PRKAG2: variants seen among roughly 807,000 people sequenced by gnomAD.
PRKAG2 encodes protein kinase AMP-activated non-catalytic subunit gamma 2.
In PRKAG2, 26 loss-of-function variants were observed where a neutral mutation model predicts 69.6. The observed-to-expected ratio is 0.37, with a 90% CI of 0.27 to 0.52. PRKAG2 has a LOEUF of 0.52. Ranked by LOEUF, PRKAG2 falls within the 20% of genes least tolerant of loss-of-function variation. The pLI, the probability that PRKAG2 is intolerant of heterozygous loss-of-function variation, is 0.90. For missense variants in PRKAG2, 557 were observed against 740.0 expected (o/e 0.75, Z 2.87); for synonymous variants, 293 against 285.0 (o/e 1.03, Z -0.28).
At chr7:151,741,145 C>T (rs967494742) in intron 3 of PRKAG2, among the ~76,000 whole-genome samples, 5 of 151,480 alleles carry the variant, frequency 3.3e-5, no homozygotes, top group African/African-American at 1.2e-4. Flanking sequence ...CCCGGGAGGT[C>T]CAGGCTCTAG....
chr7:151,802,781 C>T (rs1329095632), intron 1 of PRKAG2, among the ~76,000 whole-genome samples: 3 of 152,006 alleles, frequency 2.0e-5, no homozygotes, highest in African/African-American at 4.8e-5. Context: ...CCTCTCCTTT[C>T]TCCCACACCG....
rs948562929 is a variant in PRKAG2, at chr7:151,693,764, C to T, written c.467-18127G>A. On this transcript the variant is annotated intron_variant, in intron 3 of 15. Coordinates refer to ENST00000287878, the MANE Select transcript of PRKAG2 (RefSeq NM_016203.4). ...GCAGAGAGACCCCTCCTCCTTCCAC[C>T]ATGTGAGGACGCAGCCAGGAGGAGC... Among the ~76,000 whole-genome samples, 10 of 152,304 alleles carry T rather than the reference C, an allele frequency of 6.6e-5. 1 individual carries two copies. The highest frequency in any genetic ancestry group is 6.5e-4 in the Admixed American group (10 of 15,304).
intron 3 of PRKAG2, among the ~76,000 whole-genome samples, chr7:151,715,636 G>C (rs974436798): frequency 6.6e-6 from 1 of 152,158 alleles, no homozygotes; most frequent in Non-Finnish European, 1.5e-5. Flanking sequence ...GATTACAAGC[G>C]TGAGCCACCG....
intron 1 of PRKAG2, among the ~76,000 whole-genome samples, chr7:151,856,988 T>C (rs2079795752): frequency 1.3e-5 from 2 of 152,296 alleles, no homozygotes; most frequent in Admixed American, 1.3e-4. Flanking sequence ...CAAAGTCTAC[T>C]GCTTTCAGCT....
In PRKAG2 at chr7:151,614,657, A is replaced by G; in HGVS notation, c.754+17412T>C. Among the ~76,000 whole-genome samples the G allele has an allele frequency of 6.6e-6, 1 of 152,148 alleles. No individual in the cohort carries two copies. The highest frequency in any genetic ancestry group is 1.9e-4 in the East Asian group (1 of 5,186). On this transcript the variant is annotated intron_variant, in intron 5 of 15. Coordinates refer to ENST00000287878, the MANE Select transcript of PRKAG2 (RefSeq NM_016203.4). This position sits in a 1 kb window ranked among gnomAD's most constrained non-coding sequence, Gnocchi z 4.4. Reference sequence around the variant, plus strand: ...CACTCCACTGCCTTTCTTTCAGAGCAAACAGCTCGCAGTGATGATCTGTGG... The same window carrying G: ...CACTCCACTGCCTTTCTTTCAGAGCGAACAGCTCGCAGTGATGATCTGTGG...
chr7:151,559,510 G>T (rs1239504682), intron 15 of PRKAG2: 1 of 981,118 alleles, frequency 1.0e-6, no homozygotes, highest in South Asian at 4.7e-5. Context: ...TCCAGGTGGT[G>T]GTGATGATGC....
chr7:151,563,210 TA>T (rs1320947799), intron 14 of PRKAG2, among the ~76,000 whole-genome samples: 1 of 152,222 alleles, frequency 6.6e-6, no homozygotes, highest in African/African-American at 2.4e-5. Flanking sequence ...CTAGCTACAT[TA>T]AAGCTAAAAA....
At chr7:151,679,506 C>T (rs73158148) in intron 3 of PRKAG2, among the ~76,000 whole-genome samples, 54,870 of 151,962 alleles carry the variant, frequency 0.36, 10,063 homozygotes, top group Middle Eastern at 0.39. Context: ...TGGCACTTCC[C>T]GGGGGCTGTG....
intron 3 of PRKAG2, among the ~76,000 whole-genome samples, chr7:151,741,415 C>A (rs1204457012): frequency 2.0e-5 from 3 of 151,764 alleles, no homozygotes; most frequent in Non-Finnish European, 4.4e-5. Flanking sequence ...CAGTGGCTCA[C>A]ACCTATAATC....
intron 1 of PRKAG2, among the ~76,000 whole-genome samples, chr7:151,816,817 T>G (rs1290364786): frequency 6.6e-6 from 1 of 152,198 alleles, no homozygotes; most frequent in African/African-American, 2.4e-5. Flanking sequence ...CTGTGTGCTT[T>G]ATTCCAAAGC....
chr7:151,574,850 G>A (rs1301985584), intron 8 of PRKAG2, 41 bp downstream of exon 8: 6 of 1,612,944 alleles, frequency 3.7e-6, no homozygotes, highest in African/African-American at 2.7e-5. Flanking sequence ...ACATAGATAC[G>A]TACAGCTCCA....
chr7:151,742,517 G>A (rs1267899324), intron 3 of PRKAG2, among the ~76,000 whole-genome samples: 1 of 151,954 alleles, frequency 6.6e-6, no homozygotes, highest in Non-Finnish European at 1.5e-5. Context: ...CCCGCTACTC[G>A]AGAGGCTGAG....
intron 1 of PRKAG2, among the ~76,000 whole-genome samples, chr7:151,801,980 T>G (rs1414131462): frequency 6.6e-6 from 1 of 152,156 alleles, no homozygotes; most frequent in Non-Finnish European, 1.5e-5. Context: ...ACTCGTGTCC[T>G]GTGTGCAGGA....
At position 151,664,742 on chromosome 7, in the gene PRKAG2, G is replaced by A. The variant is rs960025804; in HGVS notation, c.684+10678C>T. On this transcript the variant is annotated intron_variant, in intron 4 of 15. Coordinates refer to ENST00000287878, the MANE Select transcript of PRKAG2 (RefSeq NM_016203.4). ...CGGTGCACTCTGCCTCCCAATAGAG[G>A]TGCTATATGTAGGTTACCTGTGATT... Among the ~76,000 whole-genome samples, 22 of 152,154 alleles carry A rather than the reference G, an allele frequency of 1.4e-4. No homozygotes were observed. In the South Asian group the frequency reaches 1.5e-3, roughly 10 times the overall value.
At chr7:151,669,853 C>CAG in intron 4 of PRKAG2, among the ~76,000 whole-genome samples, 3 of 18,476 alleles carry the variant, frequency 1.6e-4, no homozygotes, top group Admixed American at 6.7e-4. Flanking sequence ...TGTGCACACA[C>CAG]CTGCATGCAT....
chr7:151,770,613 C>T (rs1204661898), intron 3 of PRKAG2, among the ~76,000 whole-genome samples: 1 of 152,210 alleles, frequency 6.6e-6, no homozygotes, highest in Non-Finnish European at 1.5e-5. Context: ...CATTCTTCAA[C>T]TGACACTTTG....
intron 1 of PRKAG2, among the ~76,000 whole-genome samples, chr7:151,829,826 G>A (rs2078983945): frequency 6.6e-6 from 1 of 151,844 alleles, no homozygotes; most frequent in Non-Finnish European, 1.5e-5. Context: ...GGCATAAGAG[G>A]ACGGGGTTGA....
At chr7:151,616,521 C>A (rs566057449) in intron 5 of PRKAG2, among the ~76,000 whole-genome samples, 66 of 152,326 alleles carry the variant, frequency 4.3e-4, no homozygotes, top group Non-Finnish European at 8.2e-4. Context: ...CAGGAATAGG[C>A]CAGGAAAGCT....
intron 1 of PRKAG2, among the ~76,000 whole-genome samples, chr7:151,861,527 C>CAAAAAAAAAAAAAAAAAAAAA (rs1563762540): frequency 1.7e-5 from 1 of 60,396 alleles, no homozygotes; most frequent in African/African-American, 6.8e-5. Context: ...GACTCTGTCT[C>CAAAAAAAAAAAAAAAAAAAAA]CAAAAAAAAA....
Sources: gnomAD v4.1 joint callset for allele counts (sites outside exome capture counted in the v4.1 genomes callset) on GRCh38, gnomAD v4.1.1 for gene constraint, Gnocchi (gnomAD v3.1) non-coding constraint, MANE v1.5 for transcripts, NCBI Gene and HGNC (gene_info 2026-07-23, HGNC 2026-07-21) for gene names.